The following PRORP variants were observed in gnomAD, a reference collection of about 807,000 sequenced individuals.
PRORP encodes protein only RNase P catalytic subunit.
A neutral mutation model predicts 59.4 loss-of-function variants in PRORP; 51 were observed. The ratio of observed to expected loss-of-function variants is 0.86; its 90% CI spans 0.69 to 1.08. PRORP has a LOEUF of 1.08. PRORP is among the 50% of genes least tolerant of loss of function. The pLI is 0.00. For synonymous variants in PRORP, 231 were observed against 245.6 expected, an observed-to-expected ratio of 0.94 and a Z score of 0.55; for missense variants, 646 against 690.3, an observed-to-expected ratio of 0.94 and a Z score of 0.72.
intron 4 of PRORP, among the ~76,000 whole-genome samples, chr14:35,169,102 A>G (rs1325536687): frequency 1.3e-5 from 2 of 149,934 alleles, no homozygotes; most frequent in African/African-American, 2.5e-5. Context: ...TTTTTTTTAT[A>G]TAAGTATTTA....
intron 4 of PRORP, among the ~76,000 whole-genome samples, chr14:35,161,251 T>G (rs1180477453): frequency 6.6e-6 from 1 of 152,232 alleles, no homozygotes; most frequent in Non-Finnish European, 1.5e-5. Flanking sequence ...TACAGTCAAA[T>G]CATTTAATTT....
At chr14:35,170,436 C>T (rs532103117) in intron 4 of PRORP, among the ~76,000 whole-genome samples, 2 of 152,094 alleles carry the variant, frequency 1.3e-5, no homozygotes, top group African/African-American at 2.4e-5. Flanking sequence ...TACAGATCTA[C>T]ATTATTTTTT....
Position 35,205,731 on chromosome 14 carries a change from G to T in PRORP, c.1275+24954G>T, listed in dbSNP as rs141160093. ...TATATGTTTTTGAAGTAGAAAGTTT[G>T]CACTATCACCATGGTGGCTTCATAC... On this transcript the variant is annotated intron_variant, in intron 5 of 7. Transcript: ENST00000534898. 2.6e-3 allele frequency among the ~76,000 whole-genome samples: 403 copies of T among 152,340 alleles called. 3 individuals are homozygous for T. The highest frequency in any genetic ancestry group is 8.2e-3 in the African/African-American group (339 of 41,570).
Position 35,277,379 on chromosome 14 carries a change from G to C in PRORP, c.*3813G>C, listed in dbSNP as rs139563561. On this transcript the variant is annotated 3_prime_UTR_variant, in exon 8 of 8. Coordinates refer to ENST00000534898, the MANE Select transcript of PRORP (RefSeq NM_014672.4). ...AGCAGCCCTACAGGAGGCAGGAGGG[G>C]AGCAAGAATAAGAAAGGAAATTTGT... The C allele has an allele frequency of 2.0e-5, 3 of 152,552 alleles. No homozygotes were observed. Among genetic ancestry groups the C allele is most frequent in the Admixed American group, 2.0e-4 (3 of 15,286 alleles). The allele number at this position is 152,552 out of a possible 1,614,324, so 9.4% of individuals were successfully genotyped here. A position where few individuals can be genotyped will look rare whatever the true frequency, so the allele number is the denominator to read the frequency against.
intron 5 of PRORP, among the ~76,000 whole-genome samples, chr14:35,193,423 TGA>T (rs1341740509): frequency 6.6e-6 from 1 of 152,150 alleles, no homozygotes; most frequent in Non-Finnish European, 1.5e-5. Flanking sequence ...TTTACTACAG[TGA>T]GAGAAAAATA....
At chr14:35,230,691 A>T (rs558568443) in intron 5 of PRORP, among the ~76,000 whole-genome samples, 1 of 152,318 alleles carries the variant, frequency 6.6e-6, no homozygotes, top group South Asian at 2.1e-4. Context: ...TATGTGGAAG[A>T]TACGGTAAAA....
intron 5 of PRORP, among the ~76,000 whole-genome samples, chr14:35,258,979 C>T (rs1401660066): frequency 6.6e-6 from 1 of 152,152 alleles, no homozygotes; most frequent in Non-Finnish European, 1.5e-5. Context: ...TGAACCTGGA[C>T]GATGGTGTTG....
At chr14:35,187,428 GTTT>G (rs34808330) in intron 5 of PRORP, among the ~76,000 whole-genome samples, 1 of 138,978 alleles carries the variant, frequency 7.2e-6, no homozygotes, top group African/African-American at 2.7e-5. Context: ...TAGTTTCTTT[GTTT>G]TTTTTTTTTT....
At chr14:35,230,694 C>T (rs984693034) in intron 5 of PRORP, among the ~76,000 whole-genome samples, 5 of 152,060 alleles carry the variant, frequency 3.3e-5, no homozygotes, top group African/African-American at 7.2e-5. Context: ...GTGGAAGATA[C>T]GGTAAAAGCA....
chr14:35,139,468 C>T (rs1046765319), intron 4 of PRORP, among the ~76,000 whole-genome samples: 1 of 145,252 alleles, frequency 6.9e-6, no homozygotes, highest in Non-Finnish European at 1.5e-5. Flanking sequence ...CCCAGGCAAC[C>T]ACTATGGAAT....
chr14:35,179,751 G>A lies in PRORP; in HGVS notation c.1168-919G>A, dbSNP rs888467463. Among the ~76,000 whole-genome samples the A allele has an allele frequency of 1.4e-4, 22 of 151,816 alleles. 1 individual carries two copies. Among genetic ancestry groups the A allele is most frequent in the Middle Eastern group, 3.4e-3 (1 of 294 alleles). On this transcript the variant is annotated intron_variant, in intron 4 of 7. Coordinates refer to ENST00000534898, the MANE Select transcript of PRORP (RefSeq NM_014672.4). ...CTTCTCTCAACTCATCAAAGTCATC[G>A]CAAAGCTTTGTTCTGTTGCTGGCGA...
chr14:35,129,569 G>C (rs1220674273), intron 4 of PRORP, among the ~76,000 whole-genome samples: 2 of 151,548 alleles, frequency 1.3e-5, no homozygotes, highest in East Asian at 3.9e-4. Flanking sequence ...CCACCTCCTG[G>C]GTTCAGGAGA....
intron 4 of PRORP, among the ~76,000 whole-genome samples, chr14:35,167,276 C>T (rs1473914163): frequency 2.0e-5 from 3 of 152,128 alleles, no homozygotes; most frequent in African/African-American, 4.8e-5. Flanking sequence ...GTTTGACATG[C>T]GGTAAGGAGA....
chr14:35,142,447 G>A (rs2047503836), intron 4 of PRORP, among the ~76,000 whole-genome samples: 1 of 139,792 alleles, frequency 7.2e-6, no homozygotes, highest in Admixed American at 7.6e-5. Flanking sequence ...TCCTGGGCTG[G>A]AGCAATCCTC....
intron 4 of PRORP, among the ~76,000 whole-genome samples, chr14:35,161,149 A>G (rs1408279610): frequency 2.0e-5 from 3 of 152,198 alleles, no homozygotes; most frequent in Non-Finnish European, 2.9e-5. Flanking sequence ...TTAAAACCCA[A>G]AGAGTTATAA....
At chr14:35,253,211 A>G (rs2050654185) in intron 5 of PRORP, among the ~76,000 whole-genome samples, 1 of 151,734 alleles carries the variant, frequency 6.6e-6, no homozygotes, top group Non-Finnish European at 1.5e-5. Flanking sequence ...GTGTGCACCT[A>G]TAGTCCCAGC....
chr14:35,191,523 G>A (rs968689516), intron 5 of PRORP, among the ~76,000 whole-genome samples: 2 of 151,896 alleles, frequency 1.3e-5, no homozygotes, highest in Admixed American at 6.6e-5. Flanking sequence ...GCAACATAGC[G>A]AGACCCCATC....
chr14:35,150,244 C>G (rs977521924), intron 4 of PRORP, among the ~76,000 whole-genome samples: 13 of 152,176 alleles, frequency 8.5e-5, no homozygotes, highest in Non-Finnish European at 8.8e-5. Flanking sequence ...ACTTGAACAC[C>G]TAGAGGCCAT....
rs181573605 is a variant in PRORP, at chr14:35,162,003, A to G, written c.1168-18667A>G. Among the ~76,000 whole-genome samples, 1,113 of 152,176 alleles carry G rather than the reference A, an allele frequency of 7.3e-3. 11 individuals carry two copies. The highest frequency in any genetic ancestry group is 0.017 in the Middle Eastern group (5 of 294). On this transcript the variant is annotated intron_variant, in intron 4 of 7. Coordinates refer to ENST00000534898, the MANE Select transcript of PRORP (RefSeq NM_014672.4). ...CTAGTTGATAGTGGGCTATCATTTT[A>G]TATTTCTAGATTGAAAAATAGGTTA...
Sources: allele counts gnomAD v4.1 joint callset (sites outside exome capture counted in the v4.1 genomes callset), GRCh38; gene constraint gnomAD v4.1.1; transcripts MANE v1.5; gene names NCBI Gene and HGNC (gene_info 2026-07-23, HGNC 2026-07-21).